The following EXOC6B variants were observed in gnomAD, a reference collection of about 807,000 sequenced individuals.
The protein encoded by EXOC6B is exocyst complex component 6B.
EXOC6B carries 54 observed loss-of-function variants against 113.5 expected under a neutral mutation model. The ratio of observed to expected loss-of-function variants is 0.48; its 90% CI spans 0.38 to 0.60. EXOC6B has a LOEUF of 0.60. Ranked by LOEUF, EXOC6B falls within the 20% of genes least tolerant of loss-of-function variation. The pLI is 0.00. For synonymous variants in EXOC6B, 357 were observed against 339.0 expected (o/e 1.05, Z -0.58); for missense variants, 797 against 977.5 (o/e 0.82, Z 2.46).
chr2:72,675,629 CA>C (rs924234629), intron 6 of EXOC6B, among the ~76,000 whole-genome samples: 1 of 151,986 alleles, frequency 6.6e-6, no homozygotes, highest in Non-Finnish European at 1.5e-5. Context: ...CCTGTCTCTA[CA>C]AAAAATACAA....
intron 8 of EXOC6B, among the ~76,000 whole-genome samples, chr2:72,547,349 A>G (rs1702966926): frequency 6.6e-6 from 1 of 152,252 alleles, no homozygotes; most frequent in African/African-American, 2.4e-5. Flanking sequence ...AAGATGTCAG[A>G]AATCTTTAAA....
chr2:72,749,639 T>C (rs1274194181), intron 1 of EXOC6B, among the ~76,000 whole-genome samples: 1 of 151,954 alleles, frequency 6.6e-6, no homozygotes, highest in Non-Finnish European at 1.5e-5. Flanking sequence ...TATGCAAATA[T>C]TAAGAGACTG....
At chr2:72,539,042 C>G (rs951053287) in intron 8 of EXOC6B, among the ~76,000 whole-genome samples, 6 of 152,092 alleles carry the variant, frequency 3.9e-5, no homozygotes, top group African/African-American at 1.4e-4. Flanking sequence ...ATTTTTTGAT[C>G]AATGGGATAA....
Position 72,768,121 on chromosome 2 carries a change from T to TAA in EXOC6B, c.114-26654_114-26653dup, listed in dbSNP as rs70963144. Among the ~76,000 whole-genome samples, 27 of 108,388 alleles carry TAA rather than the reference T, an allele frequency of 2.5e-4. 1 individual carries two copies. In the East Asian group the frequency reaches 2.6e-3, roughly 10 times the overall value. The allele number at this position is 108,388 out of a possible 152,430, so 71.1% of individuals were successfully genotyped here. ...CCTGGGGGCCAGAGTGAGACTCCGT[T>TAA]AAAAAAAAAAAAAAAAAGAAAGAAA... is the stretch of plus-strand genomic sequence containing the variant. On this transcript the variant is annotated intron_variant, in intron 1 of 21. Transcript: ENST00000272427.
intron 6 of EXOC6B, among the ~76,000 whole-genome samples, chr2:72,589,776 CA>C (rs1047387099): frequency 8.9e-5 from 13 of 145,282 alleles, no homozygotes; most frequent in Non-Finnish European, 1.4e-4. Flanking sequence ...ATGTTTGCAC[CA>C]AAAAAAAATG....
chr2:72,342,770 TCAA>T (rs923553463), intron 19 of EXOC6B, among the ~76,000 whole-genome samples: 68 of 151,134 alleles, frequency 4.5e-4, no homozygotes, highest in African/African-American at 1.6e-3. Flanking sequence ...TCTGAAAATA[TCAA>T]CAACAACAAC....
intron 20 of EXOC6B, among the ~76,000 whole-genome samples, chr2:72,237,642 G>C (rs367693111): frequency 6.6e-6 from 1 of 152,128 alleles, no homozygotes; most frequent in Non-Finnish European, 1.5e-5. Flanking sequence ...CTCACCCCCT[G>C]CCTGACCTCT....
intron 18 of EXOC6B, among the ~76,000 whole-genome samples, chr2:72,443,334 A>AAAAAG (rs1696346137): frequency 6.6e-6 from 1 of 151,372 alleles, no homozygotes; most frequent in African/African-American, 2.4e-5. Context: ...AAAAAAAAAA[A>AAAAAG]AAAGAAAGAA....
chr2:72,545,331 G>A (rs750198466), intron 8 of EXOC6B, among the ~76,000 whole-genome samples: 1 of 151,714 alleles, frequency 6.6e-6, no homozygotes, highest in Non-Finnish European at 1.5e-5. Context: ...AAAAATGTTT[G>A]ACTACATTTT....
chr2:72,366,050 C>T (rs1180192144), intron 19 of EXOC6B, among the ~76,000 whole-genome samples: 3 of 152,066 alleles, frequency 2.0e-5, no homozygotes, highest in East Asian at 3.9e-4. Flanking sequence ...TAAAATTTCA[C>T]GAATCCAGTA....
chr2:72,507,617 A>G (rs575915320), intron 11 of EXOC6B, among the ~76,000 whole-genome samples: 2 of 152,240 alleles, frequency 1.3e-5, no homozygotes, highest in East Asian at 3.9e-4. Flanking sequence ...CATACCCTTT[A>G]GCTATCACCT....
At chr2:72,788,589 G>C (rs2105024821) in intron 1 of EXOC6B, among the ~76,000 whole-genome samples, 1 of 152,294 alleles carries the variant, frequency 6.6e-6, no homozygotes, top group East Asian at 1.9e-4. Context: ...TTGAGTCCAA[G>C]TGTTTGAGAC....
At chr2:72,701,442 T>C (rs1186693671) in intron 6 of EXOC6B, among the ~76,000 whole-genome samples, 1 of 150,658 alleles carries the variant, frequency 6.6e-6, no homozygotes, top group African/African-American at 2.4e-5. Flanking sequence ...ATAATAGTCA[T>C]AGGTCTCATC....
rs1558604056 is a variant in EXOC6B at position 72,374,079 on chromosome 2, A to AT, written c.2122+5649dup. ...AGTGAGACCCTGTCTCAAAAAAAAA[A>AT]TTTTTTTTTAAATCCACTATGGAGA... is the stretch of plus-strand genomic sequence containing the variant. On this transcript the variant is annotated intron_variant, in intron 19 of 21. Coordinates refer to ENST00000272427, the MANE Select transcript of EXOC6B (RefSeq NM_015189.3). 1.7e-4 allele frequency among the ~76,000 whole-genome samples: 26 copies of AT among 152,058 alleles called. No homozygotes were observed. In the South Asian group the frequency reaches 5.0e-3, roughly 29 times the overall value.
Position 72,513,222 on chromosome 2 carries a change from A to G in EXOC6B, c.1077T>C (p.His359=), listed in dbSNP as rs746477963. The change falls in exon 11 of 22, where the codon CAT becomes CAC. Residue 359 remains histidine, a synonymous_variant. Transcript: ENST00000272427. Reference sequence around the variant, plus strand: ...CTCTATTTACTAAGCCCTGGGTTGTATGTAAAATGTGATCTTCAACCACAA... The same window carrying G: ...CTCTATTTACTAAGCCCTGGGTTGTGTGTAAAATGTGATCTTCAACCACAA... The part of the protein sequence containing the change: ...GFFVVEDHIL[H]TTQGLVNRAY... The G allele has an allele frequency of 2.5e-5, 41 of 1,612,892 alleles. No individual in the cohort carries two copies. Among genetic ancestry groups the G allele is most frequent in the African/African-American group, 4.0e-5 (3 of 74,876 alleles).
chr2:72,372,175 C>T (rs1238819081), intron 19 of EXOC6B, among the ~76,000 whole-genome samples: 1 of 151,978 alleles, frequency 6.6e-6, no homozygotes, highest in Non-Finnish European at 1.5e-5. Flanking sequence ...AAGACACACA[C>T]AAAAAAATGC....
chr2:72,282,879 GCA>G (rs1259750497), intron 20 of EXOC6B, among the ~76,000 whole-genome samples: 1 of 152,070 alleles, frequency 6.6e-6, no homozygotes, highest in Admixed American at 6.6e-5. Context: ...AAATTTATAT[GCA>G]CCTAGTAACA....
At chr2:72,292,172 A>AGT (rs58303616) in intron 20 of EXOC6B, among the ~76,000 whole-genome samples, 14,773 of 139,204 alleles carry the variant, frequency 0.11, 748 homozygotes, top group Admixed American at 0.13. Flanking sequence ...TCCAGAAGTA[A>AGT]GTGTGTGTGT....
chr2:72,647,172 T>C (rs1673786573), intron 6 of EXOC6B, among the ~76,000 whole-genome samples: 1 of 152,048 alleles, frequency 6.6e-6, no homozygotes, highest in Non-Finnish European at 1.5e-5. Flanking sequence ...GAACTCCCAT[T>C]CACAATTCCT....
Sources: allele counts gnomAD v4.1 joint callset (sites outside exome capture counted in the v4.1 genomes callset), GRCh38; gene constraint gnomAD v4.1.1; transcripts MANE v1.5; gene names NCBI Gene and HGNC (gene_info 2026-07-23, HGNC 2026-07-21).